The following COL5A2 variants were observed in gnomAD, a reference collection of about 807,000 sequenced individuals.
COL5A2 encodes collagen alpha-2(V) chain.
COL5A2 carries 23 observed loss-of-function variants against 208.2 expected under a neutral mutation model. The ratio of observed to expected loss-of-function variants is 0.11; its 90% confidence interval spans 0.08 to 0.16. The LOEUF is 0.16. Ranked by LOEUF, COL5A2 falls within the 10% of genes least tolerant of loss-of-function variation. The pLI is 1.00. For missense variants in COL5A2, 1,590 were observed against 1,956.4 expected (o/e 0.81, Z 3.53); for synonymous variants, 625 against 628.5 (o/e 0.99, Z 0.08).
chr2:189,423,298 A>G, the COL5A2 span, among the ~76,000 whole-genome samples: 3 of 151,958 alleles, frequency 2.0e-5, no homozygotes, highest in Non-Finnish European at 4.4e-5. Context: ...AAAAATTTCA[A>G]ATAAACAACC....
At chr2:189,340,639 C>T in the COL5A2 span, among the ~76,000 whole-genome samples, 1 of 152,200 alleles carries the variant, frequency 6.6e-6, no homozygotes, top group South Asian at 2.1e-4. Context: ...AAATCTCACA[C>T]ATCCACCTTT....
At chr2:189,210,847 G>A (rs1425072749) in intron 1 of COL5A2, among the ~76,000 whole-genome samples, 2 of 152,220 alleles carry the variant, frequency 1.3e-5, no homozygotes, top group Non-Finnish European at 2.9e-5. Context: ...GAAAAGCAGA[G>A]TGAAGGGGTG....
intron 2 of COL5A2, among the ~76,000 whole-genome samples, chr2:189,105,620 G>A (rs1687133713): frequency 6.6e-6 from 1 of 151,128 alleles, no homozygotes; most frequent in Non-Finnish European, 1.5e-5. Context: ...TGTGAATTGA[G>A]TTGCAAACAT....
Position 189,058,863 on chromosome 2 carries a change from G to A in COL5A2, c.2116C>T (p.Pro706Ser). 6.2e-7 allele frequency: 1 copy of A among 1,613,142 alleles called. No individual in the cohort carries two copies. The highest frequency in any genetic ancestry group is 8.5e-7 in the Non-Finnish European group (1 of 1,179,748). ...GVPGDPGAVG[P>S]LGPRGERGNP... ...AAAATACTTACTCTAGGTCCTAACG[G>A]GCCAACTGCTCCGGGATCTCCAGGA... The change falls in exon 32 of 54, where the codon CCG (proline) becomes TCG (serine). Residue 706 changes from proline (P) to serine (S), a missense_variant. By Grantham distance (74) the Pro-to-Ser change is moderately conservative (BLOSUM62 -1). Coordinates refer to ENST00000374866, the MANE Select transcript of COL5A2 (RefSeq NM_000393.5).
the COL5A2 span, among the ~76,000 whole-genome samples, chr2:189,295,827 G>A: frequency 6.6e-6 from 1 of 152,104 alleles, no homozygotes; most frequent in Admixed American, 6.6e-5. Flanking sequence ...AAAATTGATA[G>A]ATGAAAATGT....
chr2:189,302,481 C>T, the COL5A2 span, among the ~76,000 whole-genome samples: 1 of 152,130 alleles, frequency 6.6e-6, no homozygotes, highest in Admixed American at 6.5e-5. Context: ...ACCTCACTCT[C>T]TCTCTTCCTA....
rs13008197 is a variant in COL5A2 at position 189,036,334 on chromosome 2, C to T, written c.4113+282G>A. Among the ~76,000 whole-genome samples, 108,294 of 151,908 alleles carry T rather than the reference C, an allele frequency of 0.71. 39,677 individuals are homozygous for T. Among genetic ancestry groups the T allele is most frequent in the Non-Finnish European group, 0.81 (55,006 of 67,904 alleles). Reference sequence around the variant, plus strand: ...TATCACTTCTGGTACACTCCATAGTCCATGTCACATACATTAGAGGAACTT... The same window carrying T: ...TATCACTTCTGGTACACTCCATAGTTCATGTCACATACATTAGAGGAACTT... On this transcript the variant is annotated intron_variant, in intron 52 of 53. Transcript: ENST00000374866.
At chr2:189,236,190 G>C in the COL5A2 span, among the ~76,000 whole-genome samples, 3 of 151,576 alleles carry the variant, frequency 2.0e-5, no homozygotes, top group Non-Finnish European at 4.4e-5. Context: ...TCCTTGCCCT[G>C]ATTTTACTTT....
At chr2:189,079,886 G>T in intron 14 of COL5A2, 92 bp downstream of exon 14, 3 of 1,064,072 alleles carry the variant, frequency 2.8e-6, no homozygotes, top group Non-Finnish European at 4.4e-6. Flanking sequence ...CCTCTCTCCT[G>T]CTGAATTAAG....
At chr2:189,164,363 A>G (rs970062145) in intron 1 of COL5A2, among the ~76,000 whole-genome samples, 3 of 152,098 alleles carry the variant, frequency 2.0e-5, no homozygotes, top group East Asian at 1.9e-4. Flanking sequence ...TTGTTTTTCT[A>G]TCTGTTCTGT....
At position 189,112,974 on chromosome 2, in the gene COL5A2, A is replaced by C. The variant is rs75665119; in HGVS notation, c.98-2525T>G. Among the ~76,000 whole-genome samples, 11 of 152,324 alleles carry C rather than the reference A, an allele frequency of 7.2e-5. No homozygotes were observed. The East Asian group carries it at 1.3e-3, about 19-fold the overall frequency. ...AACTTAAGGGTAATTTTGCTCATTAAGTTTTATGATTGAGAAGGAAATATC... is the reference window on the plus strand; with the variant it reads ...AACTTAAGGGTAATTTTGCTCATTACGTTTTATGATTGAGAAGGAAATATC... On this transcript the variant is annotated intron_variant, in intron 1 of 53. Coordinates refer to ENST00000374866, the MANE Select transcript of COL5A2 (RefSeq NM_000393.5).
the COL5A2 span, among the ~76,000 whole-genome samples, chr2:189,248,579 T>C: frequency 6.6e-6 from 1 of 152,200 alleles, no homozygotes; most frequent in African/African-American, 2.4e-5. Context: ...CATAAAACTC[T>C]GTGCATCCAT....
the COL5A2 span, among the ~76,000 whole-genome samples, chr2:189,270,598 T>A: frequency 2.3e-3 from 351 of 152,266 alleles, no homozygotes; most frequent in African/African-American, 8.1e-3. Flanking sequence ...AGACTGTTTG[T>A]TACGACTTCC....
chr2:189,291,154 A>G, the COL5A2 span, among the ~76,000 whole-genome samples: 1 of 152,086 alleles, frequency 6.6e-6, no homozygotes, highest in African/African-American at 2.4e-5. Context: ...ACTCCCATAG[A>G]TTGATTCCAT....
At chr2:189,312,999 G>A in the COL5A2 span, among the ~76,000 whole-genome samples, 1 of 151,906 alleles carries the variant, frequency 6.6e-6, no homozygotes, top group Non-Finnish European at 1.5e-5. Flanking sequence ...CAAAATAGCT[G>A]GTATGAAGAA....
intron 6 of COL5A2, among the ~76,000 whole-genome samples, chr2:189,093,976 C>T (rs1016388945): frequency 2.0e-5 from 3 of 152,316 alleles, no homozygotes; most frequent in African/African-American, 7.2e-5. Context: ...TGAACTAATG[C>T]ATAATCTCTG....
the COL5A2 span, among the ~76,000 whole-genome samples, chr2:189,400,625 T>C: frequency 4.6e-5 from 7 of 152,248 alleles, no homozygotes; most frequent in South Asian, 1.0e-3. Flanking sequence ...CTTCAAAGAG[T>C]TTATTTTAAT....
chr2:189,036,898 C>T (rs1342914306), intron 51 of COL5A2, 95 bp from the exon 52 acceptor site: 1 of 990,320 alleles, frequency 1.0e-6, no homozygotes, highest in Non-Finnish European at 1.5e-6. Flanking sequence ...AAAATATACA[C>T]TCACTGATTA....
chr2:189,153,172 T>C (rs1187034949), intron 1 of COL5A2, among the ~76,000 whole-genome samples: 1 of 152,204 alleles, frequency 6.6e-6, no homozygotes, highest in Non-Finnish European at 1.5e-5. Flanking sequence ...CAACATTACA[T>C]GCAATTCTCA....
Sources: gnomAD v4.1 joint callset for allele counts (sites outside exome capture counted in the v4.1 genomes callset) on GRCh38, gnomAD v4.1.1 for gene constraint, MANE v1.5 for transcripts, NCBI Gene and HGNC (gene_info 2026-07-23, HGNC 2026-07-21) for gene names.